The following LRBA variants were observed in gnomAD, a reference collection of about 807,000 sequenced individuals.
The protein encoded by LRBA is LPS responsive beige-like anchor protein.
LRBA carries 176 observed loss-of-function variants against 330.0 expected under a neutral mutation model. That is an observed-to-expected ratio of 0.53 (90% CI 0.47 to 0.60). The LOEUF (loss-of-function observed/expected upper bound fraction) is 0.60. LRBA is among the 20% of genes least tolerant of loss of function. LRBA has a pLI of 0.00. For missense variants in LRBA, 3,259 were observed against 3,444.8 expected (o/e 0.95, Z 1.35); for synonymous variants, 1,230 against 1,193.0 (o/e 1.03, Z -0.64).
At chr4:150,585,690 C>T (rs889156619) in intron 40 of LRBA, among the ~76,000 whole-genome samples, 1 of 152,164 alleles carries the variant, frequency 6.6e-6, no homozygotes, top group Non-Finnish European at 1.5e-5. Flanking sequence ...TCAGATGTTA[C>T]CCTTTAATAT....
chr4:150,709,870 G>A (rs550133191), intron 36 of LRBA, among the ~76,000 whole-genome samples: 37 of 152,066 alleles, frequency 2.4e-4, no homozygotes, highest in Admixed American at 9.2e-4. Flanking sequence ...AGTGACACTT[G>A]AAGGAAAATC....
chr4:150,771,096 T>C (rs1254287882), intron 34 of LRBA, among the ~76,000 whole-genome samples: 1 of 152,170 alleles, frequency 6.6e-6, no homozygotes, highest in Non-Finnish European at 1.5e-5. Context: ...TTGTGCCTCC[T>C]GGTGGAAGCA....
At chr4:150,773,065 C>T (rs1736797032) in intron 34 of LRBA, among the ~76,000 whole-genome samples, 1 of 152,170 alleles carries the variant, frequency 6.6e-6, no homozygotes, top group Non-Finnish European at 1.5e-5. Flanking sequence ...TGTCCCACAA[C>T]ACTGGAGCCC....
At chr4:150,563,965 T>C (rs1467486826) in intron 40 of LRBA, among the ~76,000 whole-genome samples, 3 of 152,102 alleles carry the variant, frequency 2.0e-5, no homozygotes, top group Admixed American at 2.0e-4. Flanking sequence ...CTGCCCAAGG[T>C]AGTTTATAGA....
At chr4:150,839,415 C>A (rs1001246910) in intron 28 of LRBA, among the ~76,000 whole-genome samples, 1 of 152,156 alleles carries the variant, frequency 6.6e-6, no homozygotes, top group Non-Finnish European at 1.5e-5. Context: ...ATAAATCATG[C>A]TGCTATAAAG....
intron 2 of LRBA, among the ~76,000 whole-genome samples, chr4:150,980,226 C>G (rs1740681252): frequency 6.6e-6 from 1 of 152,014 alleles, no homozygotes; most frequent in South Asian, 2.1e-4. Flanking sequence ...ACAAAAACAA[C>G]AAGATCATTT....
At chr4:150,966,311 CTT>C (rs1178356221) in intron 2 of LRBA, among the ~76,000 whole-genome samples, 16 of 142,200 alleles carry the variant, frequency 1.1e-4, no homozygotes, top group Admixed American at 1.4e-4. Context: ...CTAGTTCATT[CTT>C]TTTTTTTTTT....
At position 150,415,422 on chromosome 4, in the gene LRBA, A is replaced by G. The variant is rs1747594366; in HGVS notation, c.7194+16T>C. ...CAAAAGCTCATGACAGACAGAGTAG[A>G]TGATTATTATCTTACCAATCTGTTT... is the stretch of plus-strand genomic sequence containing the variant. On this transcript the variant is annotated intron_variant, in intron 47 of 56. Transcript: ENST00000651943. 2 of 1,610,892 alleles carry G rather than the reference A, an allele frequency of 1.2e-6. No individual in the cohort carries two copies. The highest frequency in any genetic ancestry group is 8.5e-7 in the Non-Finnish European group (1 of 1,178,442).
intron 36 of LRBA, among the ~76,000 whole-genome samples, chr4:150,723,662 T>C (rs901925465): frequency 6.6e-6 from 1 of 152,152 alleles, no homozygotes; most frequent in Non-Finnish European, 1.5e-5. Flanking sequence ...ATACTACTAA[T>C]GTTTCAGAAA....
chr4:150,758,418 C>T (rs1217191694), intron 35 of LRBA, among the ~76,000 whole-genome samples: 1 of 152,134 alleles, frequency 6.6e-6, no homozygotes, highest in African/African-American at 2.4e-5. Context: ...TCACAACCCA[C>T]ATCCAAGCCA....
chr4:150,298,317 G>C (rs1010764361), intron 53 of LRBA, among the ~76,000 whole-genome samples: 1 of 152,008 alleles, frequency 6.6e-6, no homozygotes, highest in African/African-American at 2.4e-5. Context: ...TTGATGAGTA[G>C]TCTATGTGTA....
In LRBA at chr4:150,495,147, C is replaced by T. The variant is rs550531893; in HGVS notation, c.6331-4112G>A. On this transcript the variant is annotated intron_variant, in intron 40 of 56. Transcript: ENST00000651943. ...AGTGTTAAAATTCACACGCATAACG[C>T]TTCCTGATCCCATTTTCCTCCTCTG... Among the ~76,000 whole-genome samples the T allele has an allele frequency of 2.2e-4, 34 of 152,282 alleles. No homozygotes were observed. In the East Asian group the frequency reaches 6.0e-3, roughly 27 times the overall value.
chr4:150,696,844 CA>C (rs35188689), intron 36 of LRBA, among the ~76,000 whole-genome samples: 16 of 137,860 alleles, frequency 1.2e-4, no homozygotes, highest in African/African-American at 2.5e-4. Flanking sequence ...CCCATCTCCA[CA>C]AAAAAAAAAA....
At chr4:150,503,481 T>C (rs917966932) in intron 40 of LRBA, among the ~76,000 whole-genome samples, 1 of 152,066 alleles carries the variant, frequency 6.6e-6, no homozygotes, top group Non-Finnish European at 1.5e-5. Context: ...AACAGTTTGG[T>C]AGAACTGGGT....
At chr4:150,464,157 A>G (rs1755145329) in intron 44 of LRBA, among the ~76,000 whole-genome samples, 2 of 152,146 alleles carry the variant, frequency 1.3e-5, no homozygotes, top group African/African-American at 4.8e-5. Flanking sequence ...TAAAGCACAA[A>G]AAACATCTGA....
intron 2 of LRBA, among the ~76,000 whole-genome samples, chr4:150,981,433 A>AATCC (rs1740824469): frequency 6.8e-6 from 1 of 147,680 alleles, no homozygotes; most frequent in Non-Finnish European, 1.5e-5. Flanking sequence ...AAAAAAAATT[A>AATCC]TAAAATTTAT....
intron 53 of LRBA, 109 bp from the exon 54 acceptor site, chr4:150,286,143 G>GA: frequency 2.5e-6 from 2 of 801,882 alleles, no homozygotes; most frequent in Admixed American, 3.0e-5. Context: ...TATAGTTTGG[G>GA]AATTTGTCCA....
At chr4:150,727,018 C>G (rs1478644492) in intron 36 of LRBA, among the ~76,000 whole-genome samples, 1 of 145,812 alleles carries the variant, frequency 6.9e-6, no homozygotes, top group Non-Finnish European at 1.5e-5. Flanking sequence ...CAGACTTCAT[C>G]TGTACTACAG....
intron 52 of LRBA, among the ~76,000 whole-genome samples, chr4:150,308,418 A>C (rs1056716891): frequency 2.0e-5 from 3 of 152,232 alleles, no homozygotes; most frequent in African/African-American, 7.2e-5. Flanking sequence ...CAGCACATAC[A>C]ATTATGTATA....
Sources: allele counts gnomAD v4.1 joint callset (sites outside exome capture counted in the v4.1 genomes callset), GRCh38; gene constraint gnomAD v4.1.1; transcripts MANE v1.5; gene names NCBI Gene and HGNC (gene_info 2026-07-23, HGNC 2026-07-21).